The following ADAMTS14 variants were observed in gnomAD, a reference collection of about 807,000 sequenced individuals.
ADAMTS14 encodes the protein A disintegrin and metalloproteinase with thrombospondin motifs 14.
A neutral mutation model predicts 128.6 loss-of-function variants in ADAMTS14; 100 were observed. The observed-to-expected ratio is 0.78, with a 90% CI of 0.66 to 0.92. ADAMTS14 has a LOEUF of 0.92. Among genes scored for constraint, ADAMTS14 ranks in the 40% least tolerant of loss-of-function variants. The probability of loss-of-function intolerance (pLI) is 0.00; values close to 1 mark genes in which losing one functional copy is unlikely to be tolerated. For missense variants in ADAMTS14, 1,562 were observed against 1,658.6 expected, an observed-to-expected ratio of 0.94 and a Z score of 1.01; for synonymous variants, 665 against 653.8, an observed-to-expected ratio of 1.02 and a Z score of -0.26.
intron 8 of ADAMTS14, among the ~76,000 whole-genome samples, chr10:70,734,285 A>G (rs919663046): frequency 3.9e-5 from 6 of 152,156 alleles, no homozygotes; most frequent in Non-Finnish European, 7.3e-5. Flanking sequence ...TGGCTCATGG[A>G]AGATGGTAAG....
chr10:70,719,191 T>C (rs770619131), intron 4 of ADAMTS14, among the ~76,000 whole-genome samples: 1 of 151,994 alleles, frequency 6.6e-6, no homozygotes, highest in African/African-American at 2.4e-5. Context: ...CCCTGACCTA[T>C]GGTATTAGTT....
In ADAMTS14 at chr10:70,744,071, C is replaced by T. The variant is rs553171977; in HGVS notation, c.2064C>T (p.Val688=). 60 of 1,562,684 alleles carry T rather than the reference C, an allele frequency of 3.8e-5. No homozygotes were observed. The Middle Eastern group carries it at 6.7e-4, about 17-fold the overall frequency. The change falls in exon 14 of 22, where the codon GTC becomes GTT. Residue 688 remains valine (V), a synonymous_variant. Coordinates refer to ENST00000373207, the MANE Select transcript of ADAMTS14 (RefSeq NM_080722.4). ...GACCTCACCTCTGGCCTCAGCCTGT[C>T]GGCTGTGACAAGGAGGTGGGGTCCA... ...SVCARGECVP[V]GCDKEVGSMK... is the part of the protein sequence containing the mutation.
chr10:70,702,249 G>C lies in ADAMTS14; in HGVS notation c.523-63G>C. The C allele has an allele frequency of 1.9e-6, 3 of 1,608,798 alleles. No homozygotes were observed. The South Asian group carries it at 3.3e-5, about 18-fold the overall frequency. On this transcript the variant is annotated intron_variant, in intron 2 of 21. Transcript: ENST00000373207. ...TGCATTCACAGATGCTCGCCTGTCG[G>C]CTGTACTGTGTGTTCATGCCTCTTA...
At chr10:70,707,467 C>T (rs1479329595) in intron 3 of ADAMTS14, among the ~76,000 whole-genome samples, 1 of 152,066 alleles carries the variant, frequency 6.6e-6, no homozygotes, top group African/African-American at 2.4e-5. Context: ...TTGACAGACC[C>T]CAGCCTCCTG....
intron 4 of ADAMTS14, among the ~76,000 whole-genome samples, chr10:70,712,061 G>T (rs1371228035): frequency 6.6e-6 from 1 of 152,178 alleles, no homozygotes; most frequent in Admixed American, 6.5e-5. Flanking sequence ...AAGAGAGAGG[G>T]AGGGGAGGGA....
At chr10:70,759,161 G>C (rs904534862) in intron 21 of ADAMTS14, among the ~76,000 whole-genome samples, 1 of 131,804 alleles carries the variant, frequency 7.6e-6, no homozygotes, top group East Asian at 2.1e-4. Flanking sequence ...GGTTCTGACT[G>C]GGGGAGTGCC....
chr10:70,711,291 G>A (rs1422702846), intron 4 of ADAMTS14, among the ~76,000 whole-genome samples: 1 of 152,222 alleles, frequency 6.6e-6, no homozygotes, highest in Non-Finnish European at 1.5e-5. Flanking sequence ...GAGACAAAAG[G>A]AGTTTCCCCT....
At chr10:70,735,773 G>C (rs1326120862) in intron 9 of ADAMTS14, among the ~76,000 whole-genome samples, 1 of 152,180 alleles carries the variant, frequency 6.6e-6, no homozygotes, top group African/African-American at 2.4e-5. Flanking sequence ...GCATAACCTT[G>C]TCCCTACCCT....
chr10:70,727,262 C>T (rs540399745), intron 4 of ADAMTS14, among the ~76,000 whole-genome samples: 1 of 152,360 alleles, frequency 6.6e-6, no homozygotes, highest in East Asian at 1.9e-4. Flanking sequence ...ATCTCCTGTT[C>T]CCCTCCTGGC....
intron 1 of ADAMTS14, among the ~76,000 whole-genome samples, chr10:70,673,429 T>C (rs1238498332): frequency 1.3e-5 from 2 of 149,126 alleles, no homozygotes; most frequent in Non-Finnish European, 3.0e-5. Context: ...TGGACACAGG[T>C]CTCTTGCATA....
chr10:70,755,718 G>A (rs539696137), intron 19 of ADAMTS14, among the ~76,000 whole-genome samples: 2 of 152,144 alleles, frequency 1.3e-5, no homozygotes, highest in East Asian at 1.9e-4. Context: ...GGTGGCTGGC[G>A]TATGCCTGTA....
Position 70,751,476 on chromosome 10 carries a change from A to G in ADAMTS14, c.2428-2A>G. 1.3e-6 allele frequency: 2 copies of G among 1,599,022 alleles called. No homozygotes were observed. The highest frequency in any genetic ancestry group is 2.2e-5 in the South Asian group (2 of 90,636). ...CTGTGCCAGCTCCCCATCTCCCCTC[A>G]GGCTCTCCCCCCAACTGAGGGTGGC... On this transcript the variant is annotated splice_acceptor_variant, in intron 16 of 21. Coordinates refer to ENST00000373207, the MANE Select transcript of ADAMTS14 (RefSeq NM_080722.4). LOFTEE classifies it high-confidence loss of function.
chr10:70,725,031 T>C (rs2132656252), intron 4 of ADAMTS14, among the ~76,000 whole-genome samples: 1 of 152,210 alleles, frequency 6.6e-6, no homozygotes, highest in African/African-American at 2.4e-5. Flanking sequence ...CATTTCATCA[T>C]GGTCCTTAAA....
At position 70,760,594 on chromosome 10, in the gene ADAMTS14, C is replaced by T. The variant is rs374312186; in HGVS notation, c.3413C>T (p.Thr1138Met). 1.4e-5 allele frequency: 22 copies of T among 1,613,824 alleles called. No individual in the cohort carries two copies. Among genetic ancestry groups the T allele is most frequent in the African/African-American group, 1.1e-4 (8 of 74,926 alleles). ...ADAAEPPGKP[T>M]GSEDHQHGRA... ...GCTGCAGAGCCTCCTGGAAAGCCAACGGGATCAGAGGACCATCAGCATGGC... is the reference window on the plus strand; with the variant it reads ...GCTGCAGAGCCTCCTGGAAAGCCAATGGGATCAGAGGACCATCAGCATGGC... The change falls in exon 22 of 22, where the codon ACG becomes ATG. Residue 1138 changes from threonine to methionine, a missense_variant. Transcript: ENST00000373207.
At chr10:70,739,695 G>C (rs907186484) in intron 11 of ADAMTS14, among the ~76,000 whole-genome samples, 6 of 152,146 alleles carry the variant, frequency 3.9e-5, no homozygotes, top group African/African-American at 7.2e-5. Flanking sequence ...GGCCTGGCCT[G>C]ACCCCTCACA....
chr10:70,754,855 C>T (rs12355700), intron 19 of ADAMTS14, among the ~76,000 whole-genome samples: 4 of 152,074 alleles, frequency 2.6e-5, no homozygotes, highest in Non-Finnish European at 5.9e-5. Context: ...ATAGCAGTAG[C>T]GCTGCTTAGT....
intron 14 of ADAMTS14, 41 bp from the exon 15 acceptor site, chr10:70,745,185 G>A (rs1842137697): frequency 6.3e-7 from 1 of 1,596,846 alleles, no homozygotes; most frequent in Non-Finnish European, 8.5e-7. Flanking sequence ...GGGACCACCA[G>A]CTTAGGATGC....
intron 2 of ADAMTS14, among the ~76,000 whole-genome samples, chr10:70,681,504 T>C (rs1312980844): frequency 6.6e-6 from 1 of 152,124 alleles, no homozygotes; most frequent in Non-Finnish European, 1.5e-5. Context: ...TGGGGAGCCA[T>C]GGAGGTTTGT....
At chr10:70,755,573 G>A (rs1231556451) in intron 19 of ADAMTS14, among the ~76,000 whole-genome samples, 3 of 152,238 alleles carry the variant, frequency 2.0e-5, no homozygotes, top group South Asian at 2.1e-4. Flanking sequence ...GGCTGGGCGC[G>A]GTGGCTCACG....
Sources: gnomAD v4.1 joint callset for allele counts (sites outside exome capture counted in the v4.1 genomes callset) on GRCh38, gnomAD v4.1.1 for gene constraint, MANE v1.5 for transcripts, NCBI Gene and HGNC (gene_info 2026-07-23, HGNC 2026-07-21) for gene names.